The following RAB38 variants were observed in gnomAD, a reference collection of about 807,000 sequenced individuals.
RAB38 encodes the protein ras-related protein Rab-38.
In RAB38, 15 loss-of-function variants were observed where a neutral mutation model predicts 18.4. The observed-to-expected ratio is 0.82, with a 90% CI of 0.55 to 1.26. RAB38 has a LOEUF of 1.26. Ranked by LOEUF, RAB38 falls within the 50% of genes most tolerant of loss-of-function variation. RAB38 has a pLI of 0.00. For missense variants in RAB38, 294 were observed against 267.4 expected (o/e 1.10, Z -0.69); for synonymous variants, 101 against 104.4 (o/e 0.97, Z 0.20).
the RAB38 span, among the ~76,000 whole-genome samples, chr11:87,913,126 A>C: frequency 3.3e-4 from 50 of 152,106 alleles, no homozygotes; most frequent in Middle Eastern, 3.4e-3. Context: ...TAACTTGGTA[A>C]ATGTTTCATG....
At chr11:88,017,724 TTA>T in the RAB38 span, among the ~76,000 whole-genome samples, 2,547 of 145,154 alleles carry the variant, frequency 0.018, 78 homozygotes, top group African/African-American at 0.061. Flanking sequence ...ATAATATATA[TTA>T]TATATATATA....
the RAB38 span, among the ~76,000 whole-genome samples, chr11:87,933,413 C>A: frequency 6.6e-6 from 1 of 152,078 alleles, no homozygotes; most frequent in East Asian, 1.9e-4. Flanking sequence ...TCTGGTCCAG[C>A]TTAGTTACCT....
the RAB38 span, among the ~76,000 whole-genome samples, chr11:87,976,531 T>G: frequency 1.6e-5 from 2 of 128,964 alleles, no homozygotes; most frequent in Admixed American, 1.7e-4. Flanking sequence ...TATATATATT[T>G]TTTACATTTA....
At chr11:87,923,420 A>T in the RAB38 span, among the ~76,000 whole-genome samples, 124 of 152,020 alleles carry the variant, frequency 8.2e-4, no homozygotes, top group South Asian at 3.7e-3. Context: ...AATTGGAAAT[A>T]ATTTATTTAT....
At chr11:88,165,371 A>G (rs1355216274) in intron 1 of RAB38, among the ~76,000 whole-genome samples, 1 of 152,038 alleles carries the variant, frequency 6.6e-6, no homozygotes. Context: ...TCCCATCTCT[A>G]TAGTAGGGTT....
the RAB38 span, among the ~76,000 whole-genome samples, chr11:87,917,089 C>A: frequency 6.6e-6 from 1 of 152,182 alleles, no homozygotes; most frequent in East Asian, 1.9e-4. Flanking sequence ...GGGCCAAAAC[C>A]TTTACTGGGC....
chr11:88,164,725 G>T (rs1008801564), intron 1 of RAB38, among the ~76,000 whole-genome samples: 3 of 151,938 alleles, frequency 2.0e-5, no homozygotes, highest in Non-Finnish European at 4.4e-5. Flanking sequence ...TGGCCTAGAG[G>T]CACAATGAAA....
the RAB38 span, among the ~76,000 whole-genome samples, chr11:87,918,345 A>T: frequency 6.6e-6 from 1 of 152,140 alleles, no homozygotes; most frequent in Non-Finnish European, 1.5e-5. Context: ...GCTGCGATGA[A>T]CGTGGGAATA....
chr11:87,939,912 A>G, the RAB38 span, among the ~76,000 whole-genome samples: 2 of 152,024 alleles, frequency 1.3e-5, no homozygotes, highest in Non-Finnish European at 1.5e-5. Context: ...CAAAAAATCA[A>G]AGTTGTCAAA....
chr11:88,168,888 C>A (rs1943275527), intron 1 of RAB38, among the ~76,000 whole-genome samples: 1 of 152,122 alleles, frequency 6.6e-6, no homozygotes, highest in Non-Finnish European at 1.5e-5. Context: ...TATCTTATTT[C>A]TAATTTTCTA....
intron 2 of RAB38, among the ~76,000 whole-genome samples, chr11:88,121,912 T>C (rs952257890): frequency 6.6e-6 from 1 of 152,222 alleles, no homozygotes; most frequent in Non-Finnish European, 1.5e-5. Context: ...ATTGAAGGAA[T>C]GAGGACCCAT....
At chr11:87,811,497 C>T in the RAB38 span, among the ~76,000 whole-genome samples, 5 of 152,128 alleles carry the variant, frequency 3.3e-5, no homozygotes, top group Admixed American at 1.3e-4. Context: ...TGATTTCCAT[C>T]CCTATTTTTA....
At chr11:87,866,462 T>C in the RAB38 span, among the ~76,000 whole-genome samples, 10 of 151,768 alleles carry the variant, frequency 6.6e-5, no homozygotes, top group South Asian at 2.1e-4. Context: ...AAGTCAATCC[T>C]ACTTTGACTC....
chr11:88,156,028 T>C (rs1471758451), intron 1 of RAB38, among the ~76,000 whole-genome samples: 1 of 152,168 alleles, frequency 6.6e-6, no homozygotes, highest in Non-Finnish European at 1.5e-5. Context: ...TGTGGGATTA[T>C]GTAAAAATAT....
At chr11:88,015,744 A>G in the RAB38 span, among the ~76,000 whole-genome samples, 7 of 152,228 alleles carry the variant, frequency 4.6e-5, no homozygotes, top group Admixed American at 2.0e-4. Context: ...CGTGTTCCTA[A>G]GCTCCTGGCT....
intron 2 of RAB38, among the ~76,000 whole-genome samples, chr11:88,132,124 A>G (rs1454657514): frequency 6.6e-6 from 1 of 152,226 alleles, no homozygotes; most frequent in Non-Finnish European, 1.5e-5. Flanking sequence ...TAAAGGACCC[A>G]ACCAACCTGT....
rs148228106 is a variant in RAB38, at chr11:88,131,058, T to C, written c.484-16918A>G. Among the ~76,000 whole-genome samples the C allele has an allele frequency of 2.8e-3, 421 of 152,020 alleles. 2 individuals are homozygous for C. The highest frequency in any genetic ancestry group is 9.2e-3 in the African/African-American group (380 of 41,476). On this transcript the variant is annotated intron_variant, in intron 2 of 2. Transcript: ENST00000243662. ...AAATAATCTTAAACATATAAAATAA[T>C]TTATGTACAAAAATACCCATCATTA...
the RAB38 span, among the ~76,000 whole-genome samples, chr11:87,859,287 T>TA: frequency 1.3e-5 from 2 of 152,166 alleles, no homozygotes; most frequent in African/African-American, 4.8e-5. Flanking sequence ...TTTAACAATT[T>TA]AAAATTTGAC....
At chr11:88,169,442 T>C (rs191070200) in intron 1 of RAB38, among the ~76,000 whole-genome samples, 1 of 152,356 alleles carries the variant, frequency 6.6e-6, no homozygotes, top group Non-Finnish European at 1.5e-5. Flanking sequence ...AACTTTGTTA[T>C]GCACATGTTC....
Sources: gnomAD v4.1 joint callset for allele counts (sites outside exome capture counted in the v4.1 genomes callset) on GRCh38, gnomAD v4.1.1 for gene constraint, MANE v1.5 for transcripts, NCBI Gene and HGNC (gene_info 2026-07-23, HGNC 2026-07-21) for gene names.